The following CUL9 variants were observed in gnomAD, a reference collection of about 807,000 sequenced individuals.
The protein encoded by CUL9 is cullin-9.
CUL9 carries 79 observed loss-of-function variants against 272.6 expected under a neutral mutation model. That is an observed-to-expected ratio of 0.29 (90% confidence interval 0.24 to 0.35). The LOEUF (loss-of-function observed/expected upper bound fraction) is 0.35. CUL9 is among the 10% of genes least tolerant of loss of function. CUL9 has a pLI of 1.00. For synonymous variants in CUL9, 1,186 were observed against 1,286.5 expected (o/e 0.92, Z 1.67); for missense variants, 2,532 against 3,255.6 (o/e 0.78, Z 5.41).
chr6:43,204,534 G>A lies in CUL9; in HGVS notation c.4334G>A (p.Arg1445Gln), dbSNP rs956833950. ...PPGPSPEPSTRPFSKNSKGRD... is the reference protein window; with the variant it reads ...PPGPSPEPSTQPFSKNSKGRD... The stretch of plus-strand genomic sequence containing the variant: ...GGGCCTTCTCCTGAGCCATCCACTC[G>A]GCCCTGTAAGTCCCAGCTGTGGCCA... Residue 1445 changes from arginine to glutamine, a missense_variant, in exon 21 of 41, where the codon CGG (arginine) becomes CAG (glutamine). This residue lies in a region of CUL9 where 2,218 missense variants were observed against 2,788.6 expected (regional missense o/e 0.80). Transcript: ENST00000252050. 6.2e-7 allele frequency: 1 copy of A among 1,613,846 alleles called. No individual in the cohort carries two copies. The highest frequency in any genetic ancestry group is 2.2e-5 in the East Asian group (1 of 44,874).
Position 43,205,355 on chromosome 6 carries a change from G to A in CUL9, c.4725G>A (p.Gln1575=). 6.2e-7 allele frequency: 1 copy of A among 1,614,212 alleles called. No individual in the cohort carries two copies. The highest frequency in any genetic ancestry group is 8.5e-7 in the Non-Finnish European group (1 of 1,180,028). ...APGVEMLGQL[Q]RHLEPIMVLS... ...GAGTGGAAATGCTGGGGCAGCTTCAGCGGCACCTGGAACCCATTATGGTCC... is the reference window on the plus strand; with the variant it reads ...GAGTGGAAATGCTGGGGCAGCTTCAACGGCACCTGGAACCCATTATGGTCC... The change falls in exon 24 of 41, where the codon CAG becomes CAA. Residue 1575 remains glutamine, a synonymous_variant. Transcript: ENST00000252050.
rs781441698 is a variant in CUL9, at chr6:43,203,081, C to T, written c.3754-28C>T. The T allele has an allele frequency of 2.2e-5, 35 of 1,610,232 alleles. No homozygotes were observed. In the South Asian group the frequency reaches 3.8e-4, roughly 18 times the overall value. ...AACCTTGTTTCTGGAGGTGACAGTT[C>T]TCTCCCTCTTCTCCCCTGCCCTACC... is the stretch of plus-strand genomic sequence containing the variant. On this transcript the variant is annotated intron_variant, in intron 17 of 40. Transcript: ENST00000252050. The surrounding 1 kb of genome is among the most constrained non-coding windows in gnomAD (Gnocchi z 5.0).
rs561144994 is a variant in CUL9 at position 43,184,376 on chromosome 6, T to G, written c.66T>G (p.Pro22=). ...VPLGPRLQAY[P]EELIRQRPGH... ...TAGGGCCTCGGCTGCAGGCATATCC[T>G]GAAGAACTCATTCGACAGAGGCCTG... The change falls in exon 2 of 41, where the codon CCT becomes CCG. Residue 22 remains proline (P), a synonymous_variant. Coordinates refer to ENST00000252050, the MANE Select transcript of CUL9 (RefSeq NM_015089.4). This position sits in a 1 kb window ranked among gnomAD's most constrained non-coding sequence, Gnocchi z 4.8. 1 of 1,608,512 alleles carries G rather than the reference T, an allele frequency of 6.2e-7. No individual in the cohort carries two copies. Among genetic ancestry groups the G allele is most frequent in the East Asian group, 2.2e-5 (1 of 44,746 alleles).
At position 43,184,031 on chromosome 6, in the gene CUL9, G is replaced by A. The variant is rs1339671494; in HGVS notation, c.-9-271G>A. ...CTCCTAAAGTGCTGGGATTACAGGC[G>A]TGAGCCACTGGGCGCAGCCAACTCT... On this transcript the variant is annotated intron_variant, in intron 1 of 40. Transcript: ENST00000252050. The surrounding 1 kb of genome is among the most constrained non-coding windows in gnomAD (Gnocchi z 4.8). Among the ~76,000 whole-genome samples, 3 of 152,084 alleles carry A rather than the reference G, an allele frequency of 2.0e-5. No homozygotes were observed. Among genetic ancestry groups the A allele is most frequent in the African/African-American group, 7.2e-5 (3 of 41,398 alleles).
chr6:43,223,863 T>C lies in CUL9; in HGVS notation c.7285-232T>C, dbSNP rs940621051. ...GTAAGTCACATGGGCAGAAAAGACA[T>C]AGATTCTGTAAGCTCTTTAAGCACA... is the stretch of plus-strand genomic sequence containing the variant. On this transcript the variant is annotated intron_variant, in intron 39 of 40. Coordinates refer to ENST00000252050, the MANE Select transcript of CUL9 (RefSeq NM_015089.4). The surrounding 1 kb of genome is among the most constrained non-coding windows in gnomAD (Gnocchi z 4.1). The C allele has an allele frequency of 1.6e-5, 9 of 576,006 alleles. No individual in the cohort carries two copies. The highest frequency in any genetic ancestry group is 4.0e-5 in the South Asian group (2 of 50,120). The allele number at this position is 576,006 out of a possible 1,614,324, so 35.7% of individuals were successfully genotyped here.
At position 43,187,264 on chromosome 6, in the gene CUL9, G is replaced by A; in HGVS notation, c.1406G>A (p.Trp469Ter). 2 of 1,613,934 alleles carry A rather than the reference G, an allele frequency of 1.2e-6. No homozygotes were observed. Among genetic ancestry groups the A allele is most frequent in the South Asian group, 2.2e-5 (2 of 91,074 alleles). Reference sequence around the variant, plus strand: ...TCCTCAGCATTTCCCTCCTGGGACTGGAATCCTATGGATGGGCTGTACCCT... The same window carrying A: ...TCCTCAGCATTTCCCTCCTGGGACTAGAATCCTATGGATGGGCTGTACCCT... ...VLGTAFPSWDWNPMDGLYPLP... is the reference protein window; with the variant it reads ...VLGTAFPSWD Residue 469 changes from tryptophan (W) to a stop codon, truncating the protein, a stop_gained, in exon 6 of 41, where the codon TGG becomes TAG. Coordinates refer to ENST00000252050, the MANE Select transcript of CUL9 (RefSeq NM_015089.4). LOFTEE classifies it high-confidence loss of function.
intron 8 of CUL9, among the ~76,000 whole-genome samples, chr6:43,191,814 A>G (rs1201996042): frequency 1.3e-5 from 2 of 151,514 alleles, no homozygotes; most frequent in Non-Finnish European, 2.9e-5. Flanking sequence ...CGAACTCCTG[A>G]CCTCAAGTGA....
chr6:43,193,747 C>T (rs1316208617), intron 9 of CUL9, among the ~76,000 whole-genome samples: 1 of 152,026 alleles, frequency 6.6e-6, no homozygotes, highest in Admixed American at 6.6e-5. Context: ...AATTAAGGAG[C>T]AGGGTGCATG....
intron 26 of CUL9, among the ~76,000 whole-genome samples, chr6:43,210,159 A>G (rs1452395060): frequency 6.6e-6 from 1 of 151,658 alleles, no homozygotes; most frequent in Admixed American, 6.6e-5. Flanking sequence ...TTGTATTTTT[A>G]GTAGAGATGG....
chr6:43,221,511 G>T lies in CUL9; in HGVS notation c.6753-174G>T. The T allele has an allele frequency of 1.1e-6, 1 of 871,098 alleles. No homozygotes were observed. Among genetic ancestry groups the T allele is most frequent in the South Asian group, 1.7e-5 (1 of 59,646 alleles). 54.0% of individuals were successfully genotyped at this position (871,098 alleles called of 1,614,324 possible). A position where few individuals can be genotyped will look rare whatever the true frequency, so the allele number is the denominator to read the frequency against. ...CTTCTCCCACTCGTAAGTCCACACT[G>T]ACTGGGGGAGTTCAAAAGCAGAGGT... On this transcript the variant is annotated intron_variant, in intron 34 of 40. Coordinates refer to ENST00000252050, the MANE Select transcript of CUL9 (RefSeq NM_015089.4). The surrounding 1 kb of genome is among the most constrained non-coding windows in gnomAD (Gnocchi z 4.2).
intron 24 of CUL9, 73 bp downstream of exon 24, chr6:43,205,496 G>A: frequency 1.3e-6 from 2 of 1,528,436 alleles, no homozygotes; most frequent in East Asian, 2.3e-5. Context: ...AGTCTTATAG[G>A]GGAGATGAGA....
At chr6:43,215,440 A>G in intron 30 of CUL9, 114 bp downstream of exon 30, 1 of 1,406,728 alleles carries the variant, frequency 7.1e-7, no homozygotes, top group Non-Finnish European at 9.4e-7. Flanking sequence ...CCTTTTCCCT[A>G]TCCCTGTTAT....
At chr6:43,202,860 CCTT>C (rs1774721667) in intron 17 of CUL9, 39 bp downstream of exon 17, 2 of 1,581,118 alleles carry the variant, frequency 1.3e-6, no homozygotes, top group Non-Finnish European at 1.7e-6. Flanking sequence ...TGCTCCACAT[CCTT>C]CTTTTTGTCC....
intron 9 of CUL9, among the ~76,000 whole-genome samples, chr6:43,194,517 C>A (rs950064563): frequency 6.6e-6 from 1 of 150,410 alleles, no homozygotes; most frequent in Non-Finnish European, 1.5e-5. Context: ...GACGGGGTTT[C>A]ACCATGTTTG....
Position 43,224,108 on chromosome 6 carries a change from GTCTT to G in CUL9, c.7299_7302del (p.Leu2434ArgfsTer5). ...TCTGCTCACCAGGATTTCCGGGTTG[GTCTT>G]CAGAGTCCATCAGTAGAGGCCTGGG... On this transcript the variant is annotated frameshift_variant, in exon 40 of 41. Coordinates refer to ENST00000252050, the MANE Select transcript of CUL9 (RefSeq NM_015089.4). LOFTEE classifies it high-confidence loss of function. This position sits in a 1 kb window ranked among gnomAD's most constrained non-coding sequence, Gnocchi z 4.2. The G allele has an allele frequency of 6.2e-7, 1 of 1,614,232 alleles. No homozygotes were observed. The highest frequency in any genetic ancestry group is 8.5e-7 in the Non-Finnish European group (1 of 1,180,050).
chr6:43,213,932 T>C lies in CUL9; in HGVS notation c.5688+20T>C. On this transcript the variant is annotated intron_variant, in intron 29 of 40. Coordinates refer to ENST00000252050, the MANE Select transcript of CUL9 (RefSeq NM_015089.4). The surrounding 1 kb of genome is among the most constrained non-coding windows in gnomAD (Gnocchi z 5.7). Reference sequence around the variant, plus strand: ...TGTCTGGTAGGCAGAGAGGGGACCATGAAGTTGGCGGAGGGAGGGAGTCAT... The same window carrying C: ...TGTCTGGTAGGCAGAGAGGGGACCACGAAGTTGGCGGAGGGAGGGAGTCAT... 2.5e-6 allele frequency: 4 copies of C among 1,613,394 alleles called. No individual in the cohort carries two copies. The highest frequency in any genetic ancestry group is 3.4e-6 in the Non-Finnish European group (4 of 1,179,632).
intron 12 of CUL9, 35 bp downstream of exon 12, chr6:43,198,890 G>A (rs141408695): frequency 7.8e-5 from 124 of 1,595,984 alleles, no homozygotes; most frequent in Non-Finnish European, 9.3e-5. Context: ...GCATTGGGAC[G>A]AGGGAAACTG....
chr6:43,189,814 G>A (rs2150530794), intron 8 of CUL9, among the ~76,000 whole-genome samples: 1 of 152,356 alleles, frequency 6.6e-6, no homozygotes, highest in South Asian at 2.1e-4. Flanking sequence ...GATTACAGGT[G>A]TGAGCCACCA....
At chr6:43,208,867 G>T (rs1047648791) in intron 26 of CUL9, among the ~76,000 whole-genome samples, 1 of 152,044 alleles carries the variant, frequency 6.6e-6, no homozygotes, top group South Asian at 2.1e-4. Context: ...TTGAGAGGGG[G>T]TGTCACTCTG....
Sources: gnomAD v4.1 joint callset for allele counts (sites outside exome capture counted in the v4.1 genomes callset) on GRCh38, gnomAD v4.1.1 for gene constraint, gnomAD v4.1.1 regional missense constraint, Gnocchi (gnomAD v3.1) non-coding constraint, MANE v1.5 for transcripts, NCBI Gene and HGNC (gene_info 2026-07-23, HGNC 2026-07-21) for gene names.